The following SLC8A1 variants were observed in gnomAD, a reference collection of about 807,000 sequenced individuals.
SLC8A1 encodes the protein sodium/calcium exchanger 1.
Under a neutral mutation model 68.3 loss-of-function variants are expected in SLC8A1, and 18 were observed. The ratio of observed to expected loss-of-function variants is 0.26; its 90% confidence interval spans 0.18 to 0.39. The LOEUF (loss-of-function observed/expected upper bound fraction) is 0.39, where lower values mean the gene tolerates loss of function less well. Ranked by LOEUF, SLC8A1 falls within the 10% of genes least tolerant of loss-of-function variation. The probability of loss-of-function intolerance (pLI) is 1.00; values close to 1 mark genes in which losing one functional copy is unlikely to be tolerated. For missense variants in SLC8A1, 985 were observed against 1,156.7 expected (o/e 0.85, Z 2.15); for synonymous variants, 475 against 415.5 (o/e 1.14, Z -1.74).
At chr2:40,445,355 C>G (rs1034618957) in intron 1 of SLC8A1, among the ~76,000 whole-genome samples, 3 of 152,114 alleles carry the variant, frequency 2.0e-5, no homozygotes, top group Admixed American at 1.3e-4. Flanking sequence ...AGTCGTAGTT[C>G]CCTTTCCACC....
intron 1 of SLC8A1, among the ~76,000 whole-genome samples, chr2:40,480,069 A>T (rs994680435): frequency 3.3e-5 from 5 of 152,144 alleles, no homozygotes; most frequent in African/African-American, 1.2e-4. Flanking sequence ...GAAACAGTGC[A>T]CGTTTATTGT....
At chr2:40,404,961 C>G (rs1269314302) in intron 2 of SLC8A1, among the ~76,000 whole-genome samples, 1 of 152,078 alleles carries the variant, frequency 6.6e-6, no homozygotes, top group Non-Finnish European at 1.5e-5. Context: ...TTCTATTTGT[C>G]AAATACTTGT....
chr2:40,372,440 T>G (rs1280164922), intron 2 of SLC8A1, among the ~76,000 whole-genome samples: 2 of 152,122 alleles, frequency 1.3e-5, no homozygotes, highest in Non-Finnish European at 2.9e-5. Context: ...TCCTCTCCCT[T>G]TGGGAAATCT....
intron 2 of SLC8A1, among the ~76,000 whole-genome samples, chr2:40,265,188 G>A (rs1260695574): frequency 1.3e-5 from 2 of 152,164 alleles, no homozygotes; most frequent in Admixed American, 6.5e-5. Flanking sequence ...TGGGCATGCA[G>A]CATGAGTAAG....
chr2:40,133,391 T>TGG (rs3059301), intron 7 of SLC8A1, among the ~76,000 whole-genome samples: 1 of 144,536 alleles, frequency 6.9e-6, no homozygotes, highest in African/African-American at 2.7e-5. Context: ...TATACAAAAT[T>TGG]GGGGGGGGGG....
chr2:40,376,754 T>C (rs1368497178), intron 2 of SLC8A1, among the ~76,000 whole-genome samples: 2 of 152,204 alleles, frequency 1.3e-5, no homozygotes, highest in Admixed American at 6.5e-5. Context: ...CTCAAAAGTA[T>C]TGAGCAGCTG....
chr2:40,485,584 C>A (rs1349748491), intron 1 of SLC8A1, among the ~76,000 whole-genome samples: 3 of 152,168 alleles, frequency 2.0e-5, no homozygotes, highest in Non-Finnish European at 4.4e-5. Context: ...TTCTGTAATT[C>A]ATCTTTATTT....
intron 2 of SLC8A1, among the ~76,000 whole-genome samples, chr2:40,219,748 T>G (rs1215395382): frequency 1.3e-5 from 2 of 152,150 alleles, no homozygotes; most frequent in African/African-American, 4.8e-5. Flanking sequence ...GTTTGAGAAA[T>G]AGAAAAGAAT....
chr2:40,164,236 A>G (rs920414532), intron 5 of SLC8A1, among the ~76,000 whole-genome samples: 1 of 152,230 alleles, frequency 6.6e-6, no homozygotes, highest in Non-Finnish European at 1.5e-5. Context: ...AGGCCCACAC[A>G]TTCAACTTCT....
intron 1 of SLC8A1, among the ~76,000 whole-genome samples, chr2:40,473,298 A>G (rs1268232726): frequency 6.6e-6 from 1 of 152,164 alleles, no homozygotes; most frequent in South Asian, 2.1e-4. Flanking sequence ...AGCAAATTTC[A>G]ATCTATGGCC....
Position 40,362,979 on chromosome 2 carries a change from T to C in SLC8A1, c.1808+65494A>G, listed in dbSNP as rs142455216. Among the ~76,000 whole-genome samples the C allele has an allele frequency of 5.1e-4, 78 of 152,228 alleles. 1 individual carries two copies. The highest frequency in any genetic ancestry group is 1.6e-3 in the African/African-American group (65 of 41,550). ...TAGTTCTGACTAAATGTCCTTTCTG[T>C]TCCTCCTCAGTCCCTAGTATGACCA... On this transcript the variant is annotated intron_variant, in intron 2 of 7. Transcript: ENST00000406785.
At chr2:40,140,454 C>T (rs777697274) in intron 6 of SLC8A1, among the ~76,000 whole-genome samples, 2 of 152,124 alleles carry the variant, frequency 1.3e-5, no homozygotes, top group East Asian at 1.9e-4. Context: ...GAGGAGCTTC[C>T]CAACACTTGT....
intron 2 of SLC8A1, chr2:40,220,312 T>A (rs969398444): frequency 1.3e-5 from 2 of 152,240 alleles, no homozygotes; most frequent in African/African-American, 4.8e-5. Flanking sequence ...CTCTGACAGC[T>A]GAGACATCTC....
intron 2 of SLC8A1, among the ~76,000 whole-genome samples, chr2:40,285,332 C>T (rs887966051): frequency 6.6e-6 from 1 of 152,100 alleles, no homozygotes; most frequent in Admixed American, 6.5e-5. Context: ...TTTGTAAGGA[C>T]AGACCCATGC....
intron 2 of SLC8A1, among the ~76,000 whole-genome samples, chr2:40,316,566 G>C (rs1471005926): frequency 2.0e-5 from 3 of 151,998 alleles, no homozygotes; most frequent in African/African-American, 2.4e-5. Flanking sequence ...CTGAGATCAT[G>C]AGTTTTCATA....
At chr2:40,357,853 C>T (rs1673217893) in intron 2 of SLC8A1, among the ~76,000 whole-genome samples, 1 of 152,036 alleles carries the variant, frequency 6.6e-6, no homozygotes, top group Non-Finnish European at 1.5e-5. Flanking sequence ...CTCTCTCCCC[C>T]TTTTCATCTT....
chr2:40,353,461 C>A (rs913226309), intron 2 of SLC8A1, among the ~76,000 whole-genome samples: 7 of 152,142 alleles, frequency 4.6e-5, no homozygotes, highest in African/African-American at 1.7e-4. Flanking sequence ...TGGCTCTGAC[C>A]CATTATTAAG....
At chr2:40,278,776 G>T (rs1356794226) in intron 2 of SLC8A1, among the ~76,000 whole-genome samples, 3 of 146,330 alleles carry the variant, frequency 2.1e-5, no homozygotes, top group African/African-American at 7.5e-5. Context: ...TTCTACTAAT[G>T]CCACAATGAA....
At chr2:40,372,287 C>A (rs76975862) in intron 2 of SLC8A1, among the ~76,000 whole-genome samples, 3,742 of 152,008 alleles carry the variant, frequency 0.025, 60 homozygotes, top group Non-Finnish European at 0.037. Context: ...AAATAAACAC[C>A]CAGTTGCTGT....
Sources: allele counts gnomAD v4.1 joint callset (sites outside exome capture counted in the v4.1 genomes callset), GRCh38; gene constraint gnomAD v4.1.1; transcripts MANE v1.5; gene names NCBI Gene and HGNC (gene_info 2026-07-23, HGNC 2026-07-21).